Variants in USP32 observed in about 807,000 individuals in gnomAD.
USP32 encodes the protein ubiquitin carboxyl-terminal hydrolase 32.
A neutral mutation model predicts 204.8 loss-of-function variants in USP32; 59 were observed. The ratio of observed to expected loss-of-function variants is 0.29; its 90% CI spans 0.23 to 0.36. The LOEUF (loss-of-function observed/expected upper bound fraction) is 0.36, where lower values mean the gene tolerates loss of function less well. Among genes scored for constraint, USP32 ranks in the 10% least tolerant of loss-of-function variants. The pLI is 1.00. For missense variants in USP32, 1,160 were observed against 1,946.4 expected (o/e 0.60, Z 7.60); for synonymous variants, 517 against 678.4 (o/e 0.76, Z 3.70).
intron 9 of USP32, among the ~76,000 whole-genome samples, chr17:60,258,693 G>A (rs1202717475): frequency 2.6e-5 from 4 of 152,134 alleles, no homozygotes; most frequent in Non-Finnish European, 5.9e-5. Context: ...ACACTTCGCT[G>A]TTTTACAGTC....
upstream of USP32, among the ~76,000 whole-genome samples, chr17:60,393,245 C>T (rs116801615): frequency 2.0e-3 from 300 of 152,330 alleles, no homozygotes; most frequent in African/African-American, 7.1e-3. Context: ...TTTCACTTGG[C>T]ATCGTGCCTT....
intron 2 of USP32, among the ~76,000 whole-genome samples, chr17:60,311,052 T>C (rs61496246): frequency 0.047 from 7,218 of 152,158 alleles, 615 homozygotes; most frequent in African/African-American, 0.16. Context: ...CCCAAATACA[T>C]GGTTTGACAG....
At chr17:60,334,100 G>T (rs951882620) in intron 2 of USP32, among the ~76,000 whole-genome samples, 1 of 152,136 alleles carries the variant, frequency 6.6e-6, no homozygotes, top group African/African-American at 2.4e-5. Context: ...ATATGGAGAT[G>T]ATTAGCACCT....
chr17:60,333,035 G>GA (rs372106775), intron 2 of USP32, among the ~76,000 whole-genome samples: 6 of 151,618 alleles, frequency 4.0e-5, no homozygotes, highest in Middle Eastern at 3.4e-3. Flanking sequence ...ACTACTCAAT[G>GA]AAAAAAAATT....
chr17:60,262,228 G>A (rs1201119973), intron 9 of USP32, among the ~76,000 whole-genome samples: 1 of 152,170 alleles, frequency 6.6e-6, no homozygotes, highest in Admixed American at 6.5e-5. Context: ...TTTCACTCTT[G>A]TTATTCAGGC....
Position 60,223,574 on chromosome 17 carries a change from G to A in USP32, c.1445C>T (p.Ser482Phe). The A allele has an allele frequency of 6.3e-7, 1 of 1,592,326 alleles. No individual in the cohort carries two copies. The highest frequency in any genetic ancestry group is 1.2e-5 in the South Asian group (1 of 86,044). The change falls in exon 14 of 34, where the codon TCT becomes TTT. Residue 482 changes from serine to phenylalanine, a missense_variant. Coordinates refer to ENST00000300896, the MANE Select transcript of USP32 (RefSeq NM_032582.4). ...SETAGSGFLY[S>F]ATPGADVCFA... ...GCAAACATCTGCCCCTGGTGTGGCA[G>A]AATACAGAAAGCCTATAAAAAAAAA...
At chr17:60,297,443 T>G (rs1331400194) in intron 3 of USP32, among the ~76,000 whole-genome samples, 1 of 138,862 alleles carries the variant, frequency 7.2e-6, no homozygotes, top group Non-Finnish European at 1.5e-5. Context: ...ATGTTTTTCC[T>G]TTTCTTTTTT....
chr17:60,350,284 G>A (rs1307378549), intron 1 of USP32, among the ~76,000 whole-genome samples: 5 of 152,016 alleles, frequency 3.3e-5, no homozygotes, highest in Non-Finnish European at 4.4e-5. Context: ...CAAAGTACTG[G>A]GATTACAGAT....
intron 2 of USP32, among the ~76,000 whole-genome samples, chr17:60,303,969 C>CA (rs954816826): frequency 9.3e-5 from 14 of 150,908 alleles, no homozygotes; most frequent in Admixed American, 1.3e-4. Context: ...TGATATCCTA[C>CA]AAAAAAAAGA....
intron 30 of USP32, 146 bp from the exon 31 acceptor site, chr17:60,183,599 A>G: frequency 8.2e-7 from 1 of 1,221,710 alleles, no homozygotes; most frequent in South Asian, 1.6e-5. Context: ...GACTTCAAAA[A>G]TATGGTTTCA....
intron 1 of USP32, among the ~76,000 whole-genome samples, chr17:60,360,282 T>C (rs1390583436): frequency 1.3e-5 from 2 of 152,126 alleles, no homozygotes; most frequent in Non-Finnish European, 2.9e-5. Flanking sequence ...GACACCAGCC[T>C]GGCCACCATG....
chr17:60,294,779 A>G lies in USP32; in HGVS notation c.315T>C (p.Ser105=), dbSNP rs780733008. 5 of 1,609,968 alleles carry G rather than the reference A, an allele frequency of 3.1e-6. No homozygotes were observed. In the East Asian group the frequency reaches 8.9e-5, roughly 29 times the overall value. The change falls in exon 4 of 34, where the codon AGT becomes AGC. Residue 105 remains serine, a synonymous_variant. Transcript: ENST00000300896. ...CCCGTATAACATAGTTCCCAGATTC[A>G]CTTGAAAAAAGACTAAAAATGTCTA... is the stretch of plus-strand genomic sequence containing the variant. The part of the protein sequence containing the change: ...KAKYIFSLFS[S]ESGNYVIREE...
chr17:60,181,864 C>A, intron 31 of USP32, 116 bp from the exon 32 acceptor site: 2 of 1,451,366 alleles, frequency 1.4e-6, no homozygotes, highest in African/African-American at 1.4e-5. Flanking sequence ...AAAGACAGGG[C>A]AGTCGTGACT....
intron 1 of USP32, among the ~76,000 whole-genome samples, chr17:60,384,874 G>T (rs1032338441): frequency 3.9e-5 from 6 of 151,996 alleles, no homozygotes; most frequent in Non-Finnish European, 5.9e-5. Flanking sequence ...TTGGGAGGTG[G>T]AGGCGGGTGG....
At chr17:60,256,648 G>C in intron 9 of USP32, 1 of 1,028,116 alleles carries the variant, frequency 9.7e-7, no homozygotes, top group Non-Finnish European at 1.2e-6. Context: ...GTTAACAGGA[G>C]TGTCTAAATT....
rs947050938 is a variant in USP32, at chr17:60,373,630, TAGGAGAGACAGGGTTTC to T, written c.58+18235_58+18251del. Among the ~76,000 whole-genome samples, 23 of 152,072 alleles carry T rather than the reference TAGGAGAGACAGGGTTTC, an allele frequency of 1.5e-4. 1 individual carries two copies. The South Asian group carries it at 1.7e-3, about 11-fold the overall frequency. Reference sequence around the variant, plus strand: ...ACAACCGGCTAATTTTTGTATATTTTAGGAGAGACAGGGTTTCACCATGTTAGCCTGGCTGGTCTCAA... The same window carrying T: ...ACAACCGGCTAATTTTTGTATATTTTACCATGTTAGCCTGGCTGGTCTCAA... On this transcript the variant is annotated intron_variant, in intron 1 of 33. Transcript: ENST00000300896.
At chr17:60,358,716 G>A (rs1332488406) in intron 1 of USP32, among the ~76,000 whole-genome samples, 1 of 152,166 alleles carries the variant, frequency 6.6e-6, no homozygotes, top group African/African-American at 2.4e-5. Flanking sequence ...CTTACAGAAG[G>A]AGTTTATCAT....
intron 1 of USP32, among the ~76,000 whole-genome samples, chr17:60,366,649 CTAGA>C (rs1178019468): frequency 6.6e-6 from 1 of 151,850 alleles, no homozygotes; most frequent in Non-Finnish European, 1.5e-5. Flanking sequence ...ACCTGTAATC[CTAGA>C]TAGTCAGGAG....
intron 5 of USP32, among the ~76,000 whole-genome samples, chr17:60,281,194 A>G (rs1210373942): frequency 6.6e-6 from 1 of 152,220 alleles, no homozygotes; most frequent in Non-Finnish European, 1.5e-5. Flanking sequence ...AACCACTGAC[A>G]TTCACAAAGC....
Sources: allele counts gnomAD v4.1 joint callset (sites outside exome capture counted in the v4.1 genomes callset), GRCh38; gene constraint gnomAD v4.1.1; transcripts MANE v1.5; gene names NCBI Gene and HGNC (gene_info 2026-07-23, HGNC 2026-07-21).